SPRR2G: variants seen among roughly 807,000 people sequenced by gnomAD.
SPRR2G encodes the protein small proline rich protein 2G.
SPRR2G carries 1 observed loss-of-function variant against 0.7 expected under a neutral mutation model. The observed-to-expected ratio is 1.49, with a 90% CI of 0.53 to 7.06. The LOEUF is 7.06. SPRR2G is among the 30% of genes most tolerant of loss of function. SPRR2G has a pLI of 0.14. For missense variants in SPRR2G, 96 were observed against 88.5 expected, an observed-to-expected ratio of 1.09 and a Z score of -0.34; for synonymous variants, 38 against 33.9, an observed-to-expected ratio of 1.12 and a Z score of -0.42.
At chr1:153,199,151 T>C in the SPRR2G span, among the ~76,000 whole-genome samples, 1 of 152,044 alleles carries the variant, frequency 6.6e-6, no homozygotes, top group South Asian at 2.1e-4. Flanking sequence ...ACTTACGCAA[T>C]GGTGATTGAT....
chr1:153,161,173 A>G, the SPRR2G span, among the ~76,000 whole-genome samples: 4,662 of 151,906 alleles, frequency 0.031, 245 homozygotes, highest in African/African-American at 0.11. Context: ...AACATGGCAC[A>G]TGTATACATA....
chr1:153,185,707 A>G, the SPRR2G span, among the ~76,000 whole-genome samples: 4 of 151,908 alleles, frequency 2.6e-5, no homozygotes, highest in Non-Finnish European at 4.4e-5. Context: ...TCATGTCTCT[A>G]TCTCCTTCAG....
At chr1:153,198,738 A>G in the SPRR2G span, among the ~76,000 whole-genome samples, 1 of 152,222 alleles carries the variant, frequency 6.6e-6, no homozygotes, top group South Asian at 2.1e-4. Flanking sequence ...ATTTTGTAAA[A>G]TCAGCTTGAG....
the SPRR2G span, among the ~76,000 whole-genome samples, chr1:153,192,287 C>A: frequency 5.3e-5 from 8 of 152,140 alleles, no homozygotes; most frequent in Admixed American, 4.6e-4. Flanking sequence ...TTCCTAAGTG[C>A]AACTGGCAGG....
At chr1:153,157,837 G>A in the SPRR2G span, among the ~76,000 whole-genome samples, 1 of 151,388 alleles carries the variant, frequency 6.6e-6, no homozygotes, top group Admixed American at 6.6e-5. Flanking sequence ...GTTCCCCATG[G>A]CTGGAGGGGG....
the SPRR2G span, among the ~76,000 whole-genome samples, chr1:153,159,007 T>A: frequency 6.6e-6 from 1 of 152,046 alleles, no homozygotes; most frequent in Non-Finnish European, 1.5e-5. Context: ...CACTAAACAA[T>A]TTTTTCCCTT....
At chr1:153,189,577 T>C in the SPRR2G span, among the ~76,000 whole-genome samples, 1 of 152,226 alleles carries the variant, frequency 6.6e-6, no homozygotes, top group South Asian at 2.1e-4. Flanking sequence ...TTTTTATATG[T>C]AAGTAACTAA....
chr1:153,168,899 A>AGTGTGTGTGTGTGTGTGTGTGT, the SPRR2G span, among the ~76,000 whole-genome samples: 3 of 90,968 alleles, frequency 3.3e-5, no homozygotes, highest in African/African-American at 1.2e-4. Flanking sequence ...TGTACTCATG[A>AGTGTGTGTGTGTGTGTGTGTGT]GTGTATGTGT....
chr1:153,177,117 C>T, the SPRR2G span, among the ~76,000 whole-genome samples: 1 of 152,160 alleles, frequency 6.6e-6, no homozygotes, highest in Non-Finnish European at 1.5e-5. Context: ...AGAACGTACT[C>T]TGCTGTGTTT....
chr1:153,174,375 T>C, the SPRR2G span: 1 of 152,190 alleles, frequency 6.6e-6, no homozygotes, highest in Non-Finnish European at 1.5e-5. Context: ...AGAACCAGGC[T>C]TGAGGCTAAG....
chr1:153,173,576 C>T, the SPRR2G span, among the ~76,000 whole-genome samples: 1 of 152,164 alleles, frequency 6.6e-6, no homozygotes, highest in African/African-American at 2.4e-5. Context: ...ATAGAGTGCT[C>T]TGTACAAGGG....
chr1:153,160,563 C>T, the SPRR2G span, among the ~76,000 whole-genome samples: 1 of 152,308 alleles, frequency 6.6e-6, no homozygotes, highest in East Asian at 1.9e-4. Context: ...CACTTGTTAT[C>T]CTTTGTTTTT....
chr1:153,154,620 G>A (rs373077830), upstream of SPRR2G, among the ~76,000 whole-genome samples: 16 of 152,058 alleles, frequency 1.1e-4, no homozygotes, highest in East Asian at 2.5e-3. Flanking sequence ...TTTCTTCTAG[G>A]TTATCCAATT....
At chr1:153,201,918 A>G in the SPRR2G span, among the ~76,000 whole-genome samples, 1 of 152,234 alleles carries the variant, frequency 6.6e-6, no homozygotes, top group African/African-American at 2.4e-5. Flanking sequence ...ACTTAAACCC[A>G]TATTCTTTTA....
chr1:153,162,897 G>T, the SPRR2G span, among the ~76,000 whole-genome samples: 1 of 152,128 alleles, frequency 6.6e-6, no homozygotes, highest in South Asian at 2.1e-4. Context: ...GACAGGGCAT[G>T]GTACATAATT....
chr1:153,156,346 A>G, the SPRR2G span, among the ~76,000 whole-genome samples: 1 of 152,150 alleles, frequency 6.6e-6, no homozygotes, highest in East Asian at 1.9e-4. Flanking sequence ...GACTATTTAG[A>G]TTTGGGGCTC....
chr1:153,176,205 G>A, the SPRR2G span: 3 of 152,180 alleles, frequency 2.0e-5, no homozygotes, highest in Non-Finnish European at 4.4e-5. Context: ...CTGGGTCCTA[G>A]TATTGGCTAT....
At chr1:153,177,708 A>G in the SPRR2G span, among the ~76,000 whole-genome samples, 1 of 152,166 alleles carries the variant, frequency 6.6e-6, no homozygotes, top group Non-Finnish European at 1.5e-5. Context: ...ATGTGTATTC[A>G]TACACCAAAA....
chr1:153,181,006 A>G, the SPRR2G span, among the ~76,000 whole-genome samples: 1 of 151,974 alleles, frequency 6.6e-6, no homozygotes, highest in African/African-American at 2.4e-5. Flanking sequence ...ACACATGTGT[A>G]TATATGTTCT....
Sources: gnomAD v4.1 joint callset for allele counts (sites outside exome capture counted in the v4.1 genomes callset) on GRCh38, gnomAD v4.1.1 for gene constraint, MANE v1.5 for transcripts, NCBI Gene and HGNC (gene_info 2026-07-23, HGNC 2026-07-21) for gene names.